Variants in ELAVL1 observed in about 807,000 individuals in gnomAD.
ELAVL1 encodes the protein ELAV-like protein 1.
ELAVL1 carries 1 observed loss-of-function variant against 28.4 expected under a neutral mutation model. The ratio of observed to expected loss-of-function variants is 0.04; its 90% CI spans 0.01 to 0.17. The LOEUF (loss-of-function observed/expected upper bound fraction) is 0.17. ELAVL1 is among the 10% of genes least tolerant of loss of function. The pLI, the probability that ELAVL1 is intolerant of heterozygous loss-of-function variation, is 1.00. For missense variants in ELAVL1, 157 were observed against 447.2 expected, an observed-to-expected ratio of 0.35 and a Z score of 5.85; for synonymous variants, 174 against 183.5, an observed-to-expected ratio of 0.95 and a Z score of 0.42.
At chr19:7,994,266 T>C (rs1985824417) in intron 1 of ELAVL1, among the ~76,000 whole-genome samples, 1 of 151,390 alleles carries the variant, frequency 6.6e-6, no homozygotes. Flanking sequence ...GGAGACATTT[T>C]TGGTTACTGT....
At chr19:8,002,909 G>A (rs749135896) in intron 1 of ELAVL1, among the ~76,000 whole-genome samples, 2 of 152,138 alleles carry the variant, frequency 1.3e-5, no homozygotes, top group Non-Finnish European at 2.9e-5. Context: ...CACCAGAGAG[G>A]TCAAGAAAAC....
chr19:7,991,687 A>G lies in ELAVL1; in HGVS notation c.129T>C (p.Ile43=), dbSNP rs1157462890. 1 of 1,612,938 alleles carries G rather than the reference A, an allele frequency of 6.2e-7. No individual in the cohort carries two copies. Among genetic ancestry groups the G allele is most frequent in the South Asian group, 1.1e-5 (1 of 90,744 alleles). Residue 43 remains isoleucine (I), a synonymous_variant, in exon 2 of 6, where the codon ATT becomes ATC. Transcript: ENST00000407627. ...TAAGTTTTGCAGATTCAACTTCACC[A>G]ATGCTGCTGAACAGGCTTCGTAACT... ...QDELRSLFSS[I]GEVESAKLIR...
chr19:7,991,168 C>T (rs756207593), intron 2 of ELAVL1, among the ~76,000 whole-genome samples: 3 of 152,206 alleles, frequency 2.0e-5, no homozygotes, highest in Admixed American at 6.5e-5. Context: ...CCAAACATAA[C>T]GAAGGGCTGT....
At chr19:7,967,826 A>C (rs1451661966) in intron 4 of ELAVL1, 36 bp from the exon 5 acceptor site, 4 of 1,599,670 alleles carry the variant, frequency 2.5e-6, no homozygotes, top group African/African-American at 1.3e-5. Context: ...AGTTAGGGGG[A>C]AAAACGCTAG....
intron 1 of ELAVL1, among the ~76,000 whole-genome samples, chr19:7,993,444 G>A (rs1293962507): frequency 6.6e-6 from 1 of 152,214 alleles, no homozygotes; most frequent in African/African-American, 2.4e-5. Flanking sequence ...GAGTGAGCTG[G>A]AAAGAGGTGA....
chr19:8,003,381 G>GA lies in ELAVL1; in HGVS notation c.-17+2113dup, dbSNP rs71165249. 5.1e-3 allele frequency among the ~76,000 whole-genome samples: 451 copies of GA among 88,748 alleles called. 2 individuals are homozygous for GA. Among genetic ancestry groups the GA allele is most frequent in the African/African-American group, 0.016 (334 of 21,426 alleles). The allele number at this position is 88,748 out of a possible 152,430, so 58.2% of individuals were successfully genotyped here. ...AAAAAAAAAAAAAAAAAAAGAAAAA[G>GA]AAAAAAAAAAAAAAAGAAATAGCAC... On this transcript the variant is annotated intron_variant, in intron 1 of 5. Coordinates refer to ENST00000407627, the MANE Select transcript of ELAVL1 (RefSeq NM_001419.3).
At position 7,982,512 on chromosome 19, in the gene ELAVL1, CTTTCTT is replaced by C. The variant is rs1451781393; in HGVS notation, c.173-1332_173-1327del. 2.0e-5 allele frequency among the ~76,000 whole-genome samples: 3 copies of C among 152,232 alleles called. No homozygotes were observed. Among genetic ancestry groups the C allele is most frequent in the Non-Finnish European group, 4.4e-5 (3 of 68,042 alleles). ...CAGAGAGCCTAACCCAGGTTTGCCA[CTTTCTT>C]TTTAAAATGAATTTTATTTTTCAGA... is the stretch of plus-strand genomic sequence containing the variant. On this transcript the variant is annotated intron_variant, in intron 2 of 5. Coordinates refer to ENST00000407627, the MANE Select transcript of ELAVL1 (RefSeq NM_001419.3). This position sits in a 1 kb window ranked among gnomAD's most constrained non-coding sequence, Gnocchi z 4.3.
intron 3 of ELAVL1, among the ~76,000 whole-genome samples, 189 bp downstream of exon 3, chr19:7,980,894 C>T (rs576552214): frequency 2.6e-4 from 40 of 152,160 alleles, no homozygotes; most frequent in East Asian, 1.2e-3. Context: ...GCACCCTGGG[C>T]GGGGAGTGGG....
chr19:7,992,043 T>C (rs571093755), intron 1 of ELAVL1, among the ~76,000 whole-genome samples: 17 of 151,682 alleles, frequency 1.1e-4, no homozygotes, highest in African/African-American at 4.1e-4. Flanking sequence ...CAGGTTCAAG[T>C]GATTCTCCTA....
chr19:7,977,304 G>A (rs977635421), intron 3 of ELAVL1, among the ~76,000 whole-genome samples: 2 of 152,166 alleles, frequency 1.3e-5, no homozygotes, highest in Non-Finnish European at 2.9e-5. Context: ...TACAGCACCC[G>A]GTTTCACACC....
intron 3 of ELAVL1, among the ~76,000 whole-genome samples, chr19:7,977,851 C>A (rs915836389): frequency 1.3e-5 from 2 of 152,254 alleles, no homozygotes; most frequent in African/African-American, 4.8e-5. Context: ...AGGCTTGGGG[C>A]CAGCCTGCAG....
At position 7,981,244 on chromosome 19, in the gene ELAVL1, G is replaced by C. The variant is rs976633309; in HGVS notation, c.173-58C>G. ...CAACCGTCTGCGAGTGAGGGACAGG[G>C]AGGTCGGGAAGCACTATATCTGCCT... On this transcript the variant is annotated intron_variant, in intron 2 of 5. Transcript: ENST00000407627. This position sits in a 1 kb window ranked among gnomAD's most constrained non-coding sequence, Gnocchi z 4.2. The C allele has an allele frequency of 6.4e-7, 1 of 1,569,742 alleles. No individual in the cohort carries two copies. Among genetic ancestry groups the C allele is most frequent in the African/African-American group, 1.4e-5 (1 of 74,058 alleles).
chr19:7,981,428 G>C lies in ELAVL1; in HGVS notation c.173-242C>G, dbSNP rs1047301149. Among the ~76,000 whole-genome samples the C allele has an allele frequency of 6.6e-6, 1 of 150,432 alleles. No individual in the cohort carries two copies. The highest frequency in any genetic ancestry group is 2.5e-5 in the African/African-American group (1 of 40,768). On this transcript the variant is annotated intron_variant, in intron 2 of 5. Transcript: ENST00000407627. The surrounding 1 kb of genome is among the most constrained non-coding windows in gnomAD (Gnocchi z 4.2). ...GGTGGAGTCCAGCGCTGTGATCACA[G>C]CTCACCGCCACCTCAAATTCTTGGG...
chr19:7,991,158 C>T (rs1167089150), intron 2 of ELAVL1, among the ~76,000 whole-genome samples: 1 of 152,128 alleles, frequency 6.6e-6, no homozygotes, highest in African/African-American at 2.4e-5. Flanking sequence ...ACAGAGCAGC[C>T]CAAACATAAC....
At chr19:7,991,870 A>T in intron 1 of ELAVL1, 39 bp from the exon 2 acceptor site, 1 of 1,522,930 alleles carries the variant, frequency 6.6e-7, no homozygotes. Context: ...CAAAATGTTC[A>T]TATTGCAGTA....
intron 5 of ELAVL1, among the ~76,000 whole-genome samples, chr19:7,964,993 G>A (rs992826913): frequency 5.3e-5 from 8 of 152,326 alleles, no homozygotes; most frequent in Admixed American, 4.6e-4. Flanking sequence ...GGCCCCAGCC[G>A]GGGTAAACGA....
intron 4 of ELAVL1, 105 bp downstream of exon 4, chr19:7,973,620 G>T: frequency 7.1e-7 from 1 of 1,406,402 alleles, no homozygotes; most frequent in Non-Finnish European, 9.7e-7. Flanking sequence ...CTCGTTTGCG[G>T]AATAACTAAT....
intron 1 of ELAVL1, among the ~76,000 whole-genome samples, chr19:7,995,976 A>G (rs1446023600): frequency 6.6e-6 from 1 of 151,630 alleles, no homozygotes; most frequent in Non-Finnish European, 1.5e-5. Flanking sequence ...GCAATGCCAT[A>G]ATCATAGCTC....
In ELAVL1 at chr19:7,961,314, GAAGGGTGTTGGCTCCCACCTTCCATCA is replaced by G. The variant is rs879885318; in HGVS notation, c.*2142_*2168del. On this transcript the variant is annotated 3_prime_UTR_variant, in exon 6 of 6. Coordinates refer to ENST00000407627, the MANE Select transcript of ELAVL1 (RefSeq NM_001419.3). ...GAAGCGGGAATCCCGCCTTCCATCA[GAAGGGTGTTGGCTCCCACCTTCCATCA>G]GAAGGGTGTTGGCTCCCACCTTCCA... is the stretch of plus-strand genomic sequence containing the variant. 2,778 of 148,366 alleles carry G rather than the reference GAAGGGTGTTGGCTCCCACCTTCCATCA, an allele frequency of 0.019. 12 individuals are homozygous for G. The highest frequency in any genetic ancestry group is 0.023 in the Non-Finnish European group (1,539 of 66,528). 9.2% of individuals were successfully genotyped at this position (148,366 alleles called of 1,614,324 possible).
Sources: allele counts gnomAD v4.1 joint callset (sites outside exome capture counted in the v4.1 genomes callset), GRCh38; gene constraint gnomAD v4.1.1; non-coding constraint Gnocchi (gnomAD v3.1); transcripts MANE v1.5; gene names NCBI Gene and HGNC (gene_info 2026-07-23, HGNC 2026-07-21).